THSD4: variants seen among roughly 807,000 people sequenced by gnomAD.
The protein encoded by THSD4 is thrombospondin type-1 domain-containing protein 4.
In THSD4, 69 loss-of-function variants were observed where a neutral mutation model predicts 119.0. That is an observed-to-expected ratio of 0.58 (90% CI 0.48 to 0.71). The LOEUF is 0.71. THSD4 is among the 30% of genes least tolerant of loss of function. The pLI is 0.00. For synonymous variants in THSD4, 524 were observed against 540.4 expected (o/e 0.97, Z 0.42); for missense variants, 1,393 against 1,391.1 (o/e 1.00, Z -0.02).
At chr15:71,349,657 A>G (rs1209332451) in intron 6 of THSD4, among the ~76,000 whole-genome samples, 3 of 152,250 alleles carry the variant, frequency 2.0e-5, no homozygotes, top group Non-Finnish European at 4.4e-5. Context: ...AAAGTGGGCC[A>G]CACCCAGCAG....
chr15:71,104,751 T>C (rs2040267368), intron 1 of THSD4, among the ~76,000 whole-genome samples: 1 of 152,210 alleles, frequency 6.6e-6, no homozygotes, highest in South Asian at 2.1e-4. Flanking sequence ...TTACAGGTTA[T>C]AGGCGGATTC....
chr15:71,401,635 C>T (rs922811172), intron 6 of THSD4, among the ~76,000 whole-genome samples: 5 of 152,178 alleles, frequency 3.3e-5, no homozygotes, highest in Admixed American at 6.5e-5. Flanking sequence ...GAAATAGGAA[C>T]GCTTTTACAC....
chr15:71,509,768 G>A (rs2048250573), intron 7 of THSD4, among the ~76,000 whole-genome samples: 1 of 152,190 alleles, frequency 6.6e-6, no homozygotes, highest in African/African-American at 2.4e-5. Flanking sequence ...CTAGGTAGGT[G>A]TTAAGTCTGA....
intron 7 of THSD4, among the ~76,000 whole-genome samples, chr15:71,450,948 C>T (rs908602044): frequency 1.3e-5 from 2 of 152,100 alleles, no homozygotes; most frequent in Non-Finnish European, 2.9e-5. Context: ...GAGGCCAGAG[C>T]GGATGGATTG....
At chr15:71,398,705 G>A (rs2140481089) in intron 6 of THSD4, among the ~76,000 whole-genome samples, 1 of 152,194 alleles carries the variant, frequency 6.6e-6, no homozygotes, top group East Asian at 1.9e-4. Context: ...TTGAAAGCTG[G>A]CAGCCAGGGG....
At chr15:71,146,451 T>G (rs1490491866) in intron 2 of THSD4, among the ~76,000 whole-genome samples, 1 of 152,132 alleles carries the variant, frequency 6.6e-6, no homozygotes, top group Non-Finnish European at 1.5e-5. Flanking sequence ...TAGTTTTTTT[T>G]TTTTTTTTTT....
chr15:71,508,309 G>A (rs2048224117), intron 7 of THSD4, among the ~76,000 whole-genome samples: 1 of 152,214 alleles, frequency 6.6e-6, no homozygotes, highest in Non-Finnish European at 1.5e-5. Flanking sequence ...CCAGGCCTAA[G>A]GGAATTCATC....
rs2048848528 is a variant in THSD4, at chr15:71,547,145, A to C, written c.1153-113385A>C. Reference sequence around the variant, plus strand: ...TCCCTCCCCTTTCTGCTTTCTGTTAAAGGCAGCCCCCCAGCTCCCAGCTGG... The same window carrying C: ...TCCCTCCCCTTTCTGCTTTCTGTTACAGGCAGCCCCCCAGCTCCCAGCTGG... On this transcript the variant is annotated intron_variant, in intron 7 of 17. Coordinates refer to ENST00000261862, the MANE Select transcript of THSD4 (RefSeq NM_024817.3). 3 of 1,216,484 alleles carry C rather than the reference A, an allele frequency of 2.5e-6. No homozygotes were observed. In the Admixed American group the frequency reaches 1.2e-4, roughly 49 times the overall value. The allele number at this position is 1,216,484 out of a possible 1,614,324, so 75.4% of individuals were successfully genotyped here.
chr15:71,343,291 ATAGAT>A (rs1354701674), intron 6 of THSD4, among the ~76,000 whole-genome samples: 1 of 152,204 alleles, frequency 6.6e-6, no homozygotes, highest in Non-Finnish European at 1.5e-5. Flanking sequence ...GATGAATTAG[ATAGAT>A]TAGATAGACC....
chr15:71,343,293 A>G (rs1026789708), intron 6 of THSD4, among the ~76,000 whole-genome samples: 1 of 152,214 alleles, frequency 6.6e-6, no homozygotes, highest in Non-Finnish European at 1.5e-5. Context: ...TGAATTAGAT[A>G]GATTAGATAG....
chr15:71,369,241 A>C (rs1281801451), intron 6 of THSD4, among the ~76,000 whole-genome samples: 2 of 152,182 alleles, frequency 1.3e-5, no homozygotes, highest in African/African-American at 2.4e-5. Context: ...GAACAATTTG[A>C]CTTCCTCTTT....
intron 7 of THSD4, among the ~76,000 whole-genome samples, chr15:71,450,291 T>C (rs1190888543): frequency 1.3e-5 from 2 of 152,234 alleles, no homozygotes; most frequent in African/African-American, 2.4e-5. Flanking sequence ...ACTCATGCTC[T>C]GGGTGCCTGG....
chr15:71,455,128 G>C (rs577299117), intron 7 of THSD4, among the ~76,000 whole-genome samples: 1 of 152,300 alleles, frequency 6.6e-6, no homozygotes, highest in East Asian at 1.9e-4. Flanking sequence ...ATCTTTTGTG[G>C]CTGTGTGTAT....
chr15:71,412,957 G>A (rs1035776720), intron 7 of THSD4, among the ~76,000 whole-genome samples: 4 of 151,886 alleles, frequency 2.6e-5, no homozygotes, highest in Non-Finnish European at 5.9e-5. Context: ...CAAGTTTTTA[G>A]CATTTCTTTG....
intron 4 of THSD4, among the ~76,000 whole-genome samples, chr15:71,231,257 C>T (rs1484416835): frequency 2.0e-5 from 3 of 152,142 alleles, no homozygotes; most frequent in East Asian, 1.9e-4. Flanking sequence ...CTCCTGGGGT[C>T]GTTTCCCCCA....
rs576370539 is a variant in THSD4, at chr15:71,209,492, G to GT, written c.100-5542dup. Among the ~76,000 whole-genome samples the GT allele has an allele frequency of 9.2e-5, 14 of 152,292 alleles. No homozygotes were observed. The South Asian group carries it at 1.2e-3, about 14-fold the overall frequency. On this transcript the variant is annotated intron_variant, in intron 3 of 17. Transcript: ENST00000261862. ...CTCTTCCACTGGGCTTCTTCTGTCT[G>GT]TAATCCTCCAGCATATCTCTTCCCT...
In THSD4 at chr15:71,757,972, TGCCCCTGGA is replaced by T. The variant is rs764966533; in HGVS notation, c.2488_2496del (p.Pro830_Glu832del). ...TGCATGACCAACCATGTCAGCAGCC[TGCCCCTGGA>T]GGGCTGTGGGAACAACCGGCCGGCA... On this transcript the variant is annotated inframe_deletion, in exon 15 of 18. Coordinates refer to ENST00000261862, the MANE Select transcript of THSD4 (RefSeq NM_024817.3). 6.2e-7 allele frequency: 1 copy of T among 1,614,114 alleles called. No homozygotes were observed. Among genetic ancestry groups the T allele is most frequent in the South Asian group, 1.1e-5 (1 of 91,078 alleles).
intron 7 of THSD4, among the ~76,000 whole-genome samples, chr15:71,622,514 T>A (rs1303571094): frequency 6.6e-6 from 1 of 152,258 alleles, no homozygotes; most frequent in Non-Finnish European, 1.5e-5. Context: ...AAATTCCGTA[T>A]GTCTCTTTAC....
chr15:71,336,031 T>A (rs10851839), intron 6 of THSD4, among the ~76,000 whole-genome samples: 92,167 of 152,054 alleles, frequency 0.61, 29,068 homozygotes, highest in East Asian at 0.74. Context: ...TGGGGAGAGA[T>A]CACCTCGGTG....
Sources: allele counts gnomAD v4.1 joint callset (sites outside exome capture counted in the v4.1 genomes callset), GRCh38; gene constraint gnomAD v4.1.1; transcripts MANE v1.5; gene names NCBI Gene and HGNC (gene_info 2026-07-23, HGNC 2026-07-21).